The following PPP2R5A variants were observed in gnomAD, a reference collection of about 807,000 sequenced individuals.
The protein encoded by PPP2R5A is protein phosphatase 2 regulatory subunit B'alpha, also known as serine/threonine-protein phosphatase 2A 56 kDa regulatory subunit alpha isoform.
Under a neutral mutation model 64.2 loss-of-function variants are expected in PPP2R5A, and 25 were observed. That is an observed-to-expected ratio of 0.39 (90% CI 0.28 to 0.54). PPP2R5A has a LOEUF of 0.54. Among genes scored for constraint, PPP2R5A ranks in the 20% least tolerant of loss-of-function variants. PPP2R5A has a pLI of 0.67. For missense variants in PPP2R5A, 425 were observed against 576.3 expected (o/e 0.74, Z 2.69); for synonymous variants, 198 against 201.2 (o/e 0.98, Z 0.13).
chr1:212,344,606 T>C lies in PPP2R5A; in HGVS notation c.574-1197T>C, dbSNP rs192439712. Among the ~76,000 whole-genome samples, 37 of 152,348 alleles carry C rather than the reference T, an allele frequency of 2.4e-4. No homozygotes were observed. The East Asian group carries it at 7.1e-3, about 29-fold the overall frequency. ...ATTCCTTGACAGCTTTACAGATACT[T>C]GTACTCTAGAGAGAGTATTTTATAT... On this transcript the variant is annotated intron_variant, in intron 4 of 12. Transcript: ENST00000261461.
chr1:212,347,847 C>T (rs1460484158), intron 6 of PPP2R5A, among the ~76,000 whole-genome samples: 1 of 152,102 alleles, frequency 6.6e-6, no homozygotes, highest in African/African-American at 2.4e-5. Context: ...TGCCCAGCCT[C>T]AGCTGAATTC....
At chr1:212,323,536 G>A (rs891525601) in intron 1 of PPP2R5A, among the ~76,000 whole-genome samples, 6 of 152,164 alleles carry the variant, frequency 3.9e-5, no homozygotes, top group African/African-American at 1.4e-4. Context: ...CAGAGCCAAT[G>A]GAGTTGTAAC....
chr1:212,350,587 T>C (rs374601587), intron 8 of PPP2R5A, among the ~76,000 whole-genome samples: 4 of 150,862 alleles, frequency 2.7e-5, no homozygotes, highest in Middle Eastern at 3.4e-3. Flanking sequence ...CCAGGAGGCG[T>C]AGGTTGCAGT....
intron 1 of PPP2R5A, chr1:212,301,946 A>G: frequency 7.5e-7 from 1 of 1,338,458 alleles, no homozygotes; most frequent in Non-Finnish European, 9.7e-7. Flanking sequence ...TTTGTTAGAA[A>G]TGATTCCTGC....
At chr1:212,334,426 C>G (rs1659557344) in intron 3 of PPP2R5A, among the ~76,000 whole-genome samples, 1 of 152,014 alleles carries the variant, frequency 6.6e-6, no homozygotes, top group Non-Finnish European at 1.5e-5. Flanking sequence ...TCCTAAGTAG[C>G]TGCAACTACA....
chr1:212,289,645 T>C (rs1451290540), intron 1 of PPP2R5A, among the ~76,000 whole-genome samples: 1 of 152,116 alleles, frequency 6.6e-6, no homozygotes, highest in East Asian at 1.9e-4. Flanking sequence ...ATGGGGATAA[T>C]ACAAATCTCC....
intron 8 of PPP2R5A, among the ~76,000 whole-genome samples, chr1:212,352,054 C>T (rs1659894064): frequency 2.0e-5 from 3 of 151,414 alleles, no homozygotes; most frequent in African/African-American, 7.3e-5. Context: ...GAGACTCACT[C>T]TGTTGCCCAG....
chr1:212,352,810 A>G (rs1659910851), intron 8 of PPP2R5A: 1 of 518,762 alleles, frequency 1.9e-6, no homozygotes, highest in Admixed American at 1.9e-5. Flanking sequence ...TAAAATAGCA[A>G]GCATTTATGG....
At chr1:212,358,943 TAA>T (rs1394849679) in intron 12 of PPP2R5A, among the ~76,000 whole-genome samples, 156 bp downstream of exon 12, 1 of 152,238 alleles carries the variant, frequency 6.6e-6, no homozygotes, top group Non-Finnish European at 1.5e-5. Flanking sequence ...TCTTAACATA[TAA>T]GTCATTTCCA....
At chr1:212,344,102 G>A (rs1659733367) in intron 4 of PPP2R5A, among the ~76,000 whole-genome samples, 1 of 152,146 alleles carries the variant, frequency 6.6e-6, no homozygotes, top group African/African-American at 2.4e-5. Context: ...CTCCCAAGTA[G>A]CTGGGACTGC....
chr1:212,288,406 A>G (rs1658543558), intron 1 of PPP2R5A, among the ~76,000 whole-genome samples: 1 of 152,236 alleles, frequency 6.6e-6, no homozygotes, highest in African/African-American at 2.4e-5. Flanking sequence ...TGAAGGTGCC[A>G]TATAGTATTT....
intron 1 of PPP2R5A, among the ~76,000 whole-genome samples, chr1:212,327,736 G>A: frequency 6.6e-6 from 1 of 151,544 alleles, no homozygotes; most frequent in East Asian, 1.9e-4. Context: ...CCTATTATAT[G>A]CCAGGCATTG....
rs779505715 is a variant in PPP2R5A at position 212,357,045 on chromosome 1, G to A, written c.1074G>A (p.Lys358=). The change falls in exon 10 of 13, where the codon AAG becomes AAA. Residue 358 remains lysine (K), a synonymous_variant. Coordinates refer to ENST00000261461, the MANE Select transcript of PPP2R5A (RefSeq NM_006243.4). ...AGCCACTTTTCAAGCAGATATCCAAGTGTGTATCCAGTTCTCATTTTCAGG... is the reference window on the plus strand; with the variant it reads ...AGCCACTTTTCAAGCAGATATCCAAATGTGTATCCAGTTCTCATTTTCAGG... ...IEEPLFKQIS[K]CVSSSHFQVA... is the part of the protein sequence containing the mutation. 9 of 1,610,870 alleles carry A rather than the reference G, an allele frequency of 5.6e-6. No individual in the cohort carries two copies. The highest frequency in any genetic ancestry group is 7.6e-6 in the Non-Finnish European group (9 of 1,178,828).
intron 8 of PPP2R5A, among the ~76,000 whole-genome samples, chr1:212,356,217 T>C (rs1659975264): frequency 1.3e-5 from 2 of 152,116 alleles, no homozygotes; most frequent in Admixed American, 1.3e-4. Flanking sequence ...TTCCTTAAGG[T>C]TTCTCCCTAA....
chr1:212,342,707 C>CTT (rs1432285765), intron 4 of PPP2R5A, among the ~76,000 whole-genome samples: 1 of 152,144 alleles, frequency 6.6e-6, no homozygotes, highest in Non-Finnish European at 1.5e-5. Flanking sequence ...GGAATTTGGG[C>CTT]TTTAGGCTCC....
At chr1:212,304,362 C>T (rs1658855551) in intron 1 of PPP2R5A, among the ~76,000 whole-genome samples, 2 of 152,082 alleles carry the variant, frequency 1.3e-5, no homozygotes, top group South Asian at 4.1e-4. Flanking sequence ...ACTAGCCTGA[C>T]CAACGTGGAG....
At chr1:212,338,668 T>A (rs927176169) in intron 3 of PPP2R5A, among the ~76,000 whole-genome samples, 8 of 151,812 alleles carry the variant, frequency 5.3e-5, no homozygotes, top group Non-Finnish European at 1.0e-4. Context: ...ACGCCTCTAA[T>A]CCCAGCTACT....
chr1:212,312,385 A>G (rs986675014), intron 1 of PPP2R5A, among the ~76,000 whole-genome samples: 8 of 152,178 alleles, frequency 5.3e-5, no homozygotes, highest in African/African-American at 1.7e-4. Context: ...CTGAATTTTC[A>G]TAGATATTCC....
intron 1 of PPP2R5A, among the ~76,000 whole-genome samples, chr1:212,320,688 A>G (rs1558146332): frequency 1.1e-5 from 1 of 93,036 alleles, no homozygotes; most frequent in African/African-American, 3.2e-5. Context: ...CGGGGGGCTG[A>G]CCCCCCCACC....
Sources: gnomAD v4.1 joint callset for allele counts (sites outside exome capture counted in the v4.1 genomes callset) on GRCh38, gnomAD v4.1.1 for gene constraint, MANE v1.5 for transcripts, NCBI Gene and HGNC (gene_info 2026-07-23, HGNC 2026-07-21) for gene names.